SNX16: variants seen among roughly 807,000 people sequenced by gnomAD.
SNX16 encodes the protein sorting nexin-16.
SNX16 carries 35 observed loss-of-function variants against 36.7 expected under a neutral mutation model. That is an observed-to-expected ratio of 0.95 (90% CI 0.73 to 1.27). The LOEUF (loss-of-function observed/expected upper bound fraction) is 1.27. Ranked by LOEUF, SNX16 falls within the 50% of genes most tolerant of loss-of-function variation. The pLI is 0.00. For synonymous variants in SNX16, 134 were observed against 132.0 expected (o/e 1.02, Z -0.10); for missense variants, 367 against 393.6 (o/e 0.93, Z 0.57).
chr8:81,841,899 G>A (rs1489951421), intron 1 of SNX16: 3 of 152,166 alleles, frequency 2.0e-5, no homozygotes, highest in Non-Finnish European at 2.9e-5. Flanking sequence ...GCAGCTCCCT[G>A]GGATCACAGA....
intron 6 of SNX16, among the ~76,000 whole-genome samples, 164 bp downstream of exon 6, chr8:81,802,928 A>T (rs1809768890): frequency 6.6e-6 from 1 of 151,822 alleles, no homozygotes; most frequent in South Asian, 2.1e-4. Context: ...TTTATTTAGC[A>T]AAATTATGCT....
intron 2 of SNX16, among the ~76,000 whole-genome samples, chr8:81,839,110 C>T (rs1811622851): frequency 6.6e-6 from 1 of 152,066 alleles, no homozygotes; most frequent in South Asian, 2.1e-4. Flanking sequence ...TGTTAGGAAG[C>T]TATGGATCAA....
At chr8:81,807,688 A>C (rs1257992109) in intron 5 of SNX16, 9 of 554,214 alleles carry the variant, frequency 1.6e-5, no homozygotes, top group African/African-American at 1.5e-4. Context: ...TAAATCAATT[A>C]AAAGATCTGA....
At chr8:81,831,905 T>C (rs1261693584) in intron 2 of SNX16, among the ~76,000 whole-genome samples, 1 of 151,998 alleles carries the variant, frequency 6.6e-6, no homozygotes, top group African/African-American at 2.4e-5. Flanking sequence ...TATCAGTCAT[T>C]ATCATGACAG....
At position 81,801,508 on chromosome 8, in the gene SNX16, C is replaced by T; in HGVS notation, c.1024G>A (p.Glu342Lys). 6.3e-7 allele frequency: 1 copy of T among 1,588,976 alleles called. No individual in the cohort carries two copies. The highest frequency in any genetic ancestry group is 8.6e-7 in the Non-Finnish European group (1 of 1,168,882). The change falls in exon 8 of 8, where the codon GAA becomes AAA. Residue 342 changes from glutamate (E) to lysine (K), a missense_variant. Coordinates refer to ENST00000345957, the MANE Select transcript of SNX16 (RefSeq NM_152836.3). ...CTGCTTGTGATACATTAGTCTTCTT[C>T]AGCATCATATGCCACTTCTGCTACT... is the stretch of plus-strand genomic sequence containing the variant. ...IEVAEVAYDA[E>K]ED
At chr8:81,807,851 A>T in intron 5 of SNX16, 1 of 764,900 alleles carries the variant, frequency 1.3e-6, no homozygotes, top group South Asian at 1.3e-5. Flanking sequence ...GAAACAATTG[A>T]TGAGAGCCTG....
intron 4 of SNX16, chr8:81,815,770 TG>T (rs1810455557): frequency 6.1e-6 from 1 of 163,964 alleles, no homozygotes; most frequent in African/African-American, 2.4e-5. Context: ...ATACCTCACT[TG>T]TTTTTGTTTC....
intron 2 of SNX16, 44 bp from the exon 3 acceptor site, chr8:81,829,560 T>G: frequency 2.4e-6 from 2 of 848,596 alleles, no homozygotes; most frequent in Non-Finnish European, 3.3e-6. Flanking sequence ...AATATAAAAG[T>G]AAAGATATTT....
At position 81,834,261 on chromosome 8, in the gene SNX16, T is replaced by C. The variant is rs1048355934; in HGVS notation, c.376-4745A>G. On this transcript the variant is annotated intron_variant, in intron 2 of 7. Transcript: ENST00000345957. ...CTTACCCACTATCACAAGAACAGCA[T>C]GGGAAAGACCTGCCCCCATTGTTCA... 2.6e-5 allele frequency among the ~76,000 whole-genome samples: 4 copies of C among 152,148 alleles called. No homozygotes were observed. In the East Asian group the frequency reaches 7.7e-4, roughly 29 times the overall value.
chr8:81,841,905 A>C (rs4431553), intron 1 of SNX16: 37,568 of 151,842 alleles, frequency 0.25, 5,151 homozygotes, highest in East Asian at 0.37. Context: ...CCCTGGGATC[A>C]CAGACTCTCC....
At chr8:81,824,648 A>C (rs1471624250) in intron 3 of SNX16, among the ~76,000 whole-genome samples, 2 of 152,040 alleles carry the variant, frequency 1.3e-5, no homozygotes, top group Non-Finnish European at 2.9e-5. Flanking sequence ...ATTTGGCTTA[A>C]ATTTTACTTT....
At chr8:81,808,211 G>A (rs1810056855) in intron 5 of SNX16, 3 of 1,324,560 alleles carry the variant, frequency 2.3e-6, no homozygotes, top group Admixed American at 1.7e-5. Flanking sequence ...AAGAAAAGGG[G>A]CTTTGCCTTT....
At chr8:81,831,164 A>G (rs1469184767) in intron 2 of SNX16, among the ~76,000 whole-genome samples, 2 of 152,222 alleles carry the variant, frequency 1.3e-5, no homozygotes, top group African/African-American at 4.8e-5. Flanking sequence ...TAAGAGTCCC[A>G]GAAGAAAACC....
At chr8:81,807,895 A>T (rs753757246) in intron 5 of SNX16, 46 of 767,468 alleles carry the variant, frequency 6.0e-5, no homozygotes, top group Non-Finnish European at 1.0e-4. Flanking sequence ...AACCCTCACG[A>T]ACTGTGCGGT....
intron 2 of SNX16, among the ~76,000 whole-genome samples, chr8:81,834,076 T>C (rs1367697586): frequency 6.6e-6 from 1 of 152,156 alleles, no homozygotes; most frequent in Non-Finnish European, 1.5e-5. Flanking sequence ...GACTGGGCAA[T>C]TTACAAAAGA....
At chr8:81,838,955 A>C (rs1811615466) in intron 2 of SNX16, among the ~76,000 whole-genome samples, 1 of 152,170 alleles carries the variant, frequency 6.6e-6, no homozygotes. Flanking sequence ...ATGCACAGAT[A>C]TTTCACAAGA....
chr8:81,820,707 T>C (rs1359916007), intron 4 of SNX16, among the ~76,000 whole-genome samples: 1 of 151,884 alleles, frequency 6.6e-6, no homozygotes, highest in Non-Finnish European at 1.5e-5. Flanking sequence ...ACAGCACTGA[T>C]CTCCCCGCTT....
At chr8:81,823,768 C>A (rs369622681) in intron 4 of SNX16, 24 bp downstream of exon 4, 221 of 1,560,232 alleles carry the variant, frequency 1.4e-4, no homozygotes, top group Non-Finnish European at 1.9e-4. Flanking sequence ...CTTTTATAAT[C>A]TCTTATTTCA....
chr8:81,812,115 A>G (rs1487845191), intron 5 of SNX16, among the ~76,000 whole-genome samples: 2 of 152,062 alleles, frequency 1.3e-5, no homozygotes, highest in Admixed American at 6.6e-5. Context: ...GAAATTTTCA[A>G]TCTGAAGATC....
Sources: gnomAD v4.1 joint callset for allele counts (sites outside exome capture counted in the v4.1 genomes callset) on GRCh38, gnomAD v4.1.1 for gene constraint, MANE v1.5 for transcripts, NCBI Gene and HGNC (gene_info 2026-07-23, HGNC 2026-07-21) for gene names.